TMEM131: variants seen among roughly 807,000 people sequenced by gnomAD.
TMEM131 encodes 2610524E03Rik.
A neutral mutation model predicts 211.6 loss-of-function variants in TMEM131; 66 were observed. The observed-to-expected ratio is 0.31, with a 90% confidence interval of 0.26 to 0.38. The LOEUF (loss-of-function observed/expected upper bound fraction) is 0.38. Ranked by LOEUF, TMEM131 falls within the 10% of genes least tolerant of loss-of-function variation. The pLI, the probability that TMEM131 is intolerant of heterozygous loss-of-function variation, is 1.00. For missense variants in TMEM131, 2,036 were observed against 2,299.3 expected (o/e 0.89, Z 2.34); for synonymous variants, 844 against 841.3 (o/e 1.00, Z -0.06).
intron 4 of TMEM131, among the ~76,000 whole-genome samples, chr2:97,886,203 T>G (rs1050392746): frequency 6.6e-6 from 1 of 152,210 alleles, no homozygotes; most frequent in East Asian, 1.9e-4. Flanking sequence ...TAAGTTTTCC[T>G]GTATCTCACT....
intron 7 of TMEM131, among the ~76,000 whole-genome samples, chr2:97,838,504 G>A (rs1365761129): frequency 7.1e-6 from 1 of 140,566 alleles, no homozygotes; most frequent in African/African-American, 2.7e-5. Context: ...GAGTGCAATG[G>A]TGTGATCTCG....
intron 12 of TMEM131, among the ~76,000 whole-genome samples, chr2:97,816,312 G>A (rs1681826150): frequency 6.6e-6 from 1 of 152,086 alleles, no homozygotes; most frequent in African/African-American, 2.4e-5. Context: ...TTGCACTCCA[G>A]CCTGGGCAAC....
intron 3 of TMEM131, chr2:97,907,074 A>G (rs1676101867): frequency 6.6e-6 from 1 of 152,226 alleles, no homozygotes; most frequent in Admixed American, 6.5e-5. Context: ...GGAATAAAGA[A>G]TCAAGGAAGA....
chr2:97,837,305 A>C (rs1682984691), intron 7 of TMEM131, 148 bp from the exon 8 acceptor site: 2 of 558,828 alleles, frequency 3.6e-6, no homozygotes, highest in African/African-American at 4.0e-5. Flanking sequence ...AATATCACTA[A>C]ATTCAGTGCT....
Position 97,974,075 on chromosome 2 carries a change from T to C in TMEM131, c.187+21401A>G, listed in dbSNP as rs148068624. The stretch of plus-strand genomic sequence containing the variant: ...ACCAACCTAGAACTGGCACAGAAGT[T>C]AGCAGACAAGACAATAAAACAGGTA... On this transcript the variant is annotated intron_variant, in intron 1 of 40. Coordinates refer to ENST00000186436, the MANE Select transcript of TMEM131 (RefSeq NM_015348.2). Among the ~76,000 whole-genome samples the C allele has an allele frequency of 1.6e-3, 246 of 152,286 alleles. 3 individuals carry two copies. In the South Asian group the frequency reaches 0.019, roughly 12 times the overall value.
At chr2:97,871,051 T>C (rs1042786338) in intron 4 of TMEM131, among the ~76,000 whole-genome samples, 6 of 152,208 alleles carry the variant, frequency 3.9e-5, no homozygotes, top group African/African-American at 7.2e-5. Context: ...TTTTTAGCAA[T>C]AGTCTATTCA....
Position 97,841,874 on chromosome 2 carries a change from C to T in TMEM131, c.664G>A (p.Val222Met), listed in dbSNP as rs1683213437. ...LRPFLGARVPVNSSFSPIINI... is the reference protein window; with the variant it reads ...LRPFLGARVPMNSSFSPIINI... ...ATTATAGGTGAGAAACTGCTATTCACAGGGACTCTGGCCCCAAGGAACGGC... is the reference window on the plus strand; with the variant it reads ...ATTATAGGTGAGAAACTGCTATTCATAGGGACTCTGGCCCCAAGGAACGGC... Residue 222 changes from valine (V) to methionine (M), a missense_variant, in exon 7 of 41, where the codon GTG becomes ATG. Transcript: ENST00000186436. 16 of 1,598,360 alleles carry T rather than the reference C, an allele frequency of 1.0e-5. No homozygotes were observed. Among genetic ancestry groups the T allele is most frequent in the Non-Finnish European group, 7.7e-6 (9 of 1,171,618 alleles).
chr2:97,910,851 A>C (rs921419678), intron 2 of TMEM131, among the ~76,000 whole-genome samples: 1 of 152,236 alleles, frequency 6.6e-6, no homozygotes, highest in South Asian at 2.1e-4. Context: ...ATAGCCTTGT[A>C]GTATAGTTTG....
chr2:97,775,721 C>G (rs1679689478), intron 32 of TMEM131, 122 bp downstream of exon 32: 2 of 1,115,072 alleles, frequency 1.8e-6, no homozygotes, highest in African/African-American at 3.2e-5. Context: ...TCAGTAGGTG[C>G]TCATCCTAGA....
intron 26 of TMEM131, 94 bp from the exon 27 acceptor site, chr2:97,797,080 T>A (rs564552436): frequency 7.7e-7 from 1 of 1,290,796 alleles, no homozygotes; most frequent in Non-Finnish European, 1.1e-6. Flanking sequence ...GAGCACCACA[T>A]AGAAATTAAA....
At chr2:97,899,635 G>A (rs979453247) in intron 3 of TMEM131, among the ~76,000 whole-genome samples, 11 of 152,100 alleles carry the variant, frequency 7.2e-5, no homozygotes, top group African/African-American at 2.7e-4. Flanking sequence ...ATGAGGGAAT[G>A]CAAGGTGGCA....
In TMEM131 at chr2:97,805,216, G is replaced by C. The variant is rs1449265401; in HGVS notation, c.2285-11C>G. 6.2e-7 allele frequency: 1 copy of C among 1,607,504 alleles called. No individual in the cohort carries two copies. Among genetic ancestry groups the C allele is most frequent in the Admixed American group, 1.7e-5 (1 of 58,718 alleles). ...GCACTTTGGGTTCAGCTAAAACAAGGAAACATACTTAACCTGCATCTATAC... is the reference window on the plus strand; with the variant it reads ...GCACTTTGGGTTCAGCTAAAACAAGCAAACATACTTAACCTGCATCTATAC... On this transcript the variant is annotated splice_polypyrimidine_tract_variant and intron_variant, in intron 21 of 40. Transcript: ENST00000186436.
chr2:97,975,003 C>G (rs557271596), intron 1 of TMEM131, among the ~76,000 whole-genome samples: 106 of 152,256 alleles, frequency 7.0e-4, no homozygotes, highest in Non-Finnish European at 1.2e-3. Flanking sequence ...CCAACAACAG[C>G]AGAAGACATA....
chr2:97,799,887 G>C (rs1488811340), intron 25 of TMEM131, among the ~76,000 whole-genome samples: 1 of 152,088 alleles, frequency 6.6e-6, no homozygotes, highest in Non-Finnish European at 1.5e-5. Flanking sequence ...ACTGAATGTA[G>C]AGGCAGATAT....
chr2:97,861,712 A>C (rs1410222322), intron 4 of TMEM131, among the ~76,000 whole-genome samples: 1 of 152,012 alleles, frequency 6.6e-6, no homozygotes, highest in East Asian at 1.9e-4. Flanking sequence ...ACAACAGAAC[A>C]CTAGGTAGAT....
intron 3 of TMEM131, among the ~76,000 whole-genome samples, chr2:97,895,101 AGGCCT>A (rs1675548630): frequency 6.6e-6 from 1 of 152,194 alleles, no homozygotes; most frequent in Admixed American, 6.5e-5. Flanking sequence ...ATTTTGTCGA[AGGCCT>A]TTTCTGCATC....
chr2:97,886,856 TCA>T (rs2104249371), intron 4 of TMEM131, among the ~76,000 whole-genome samples: 1 of 152,368 alleles, frequency 6.6e-6, no homozygotes, highest in East Asian at 1.9e-4. Context: ...TGGATTTATG[TCA>T]CAGAGTTAAA....
At chr2:97,891,132 T>C (rs575038723) in intron 3 of TMEM131, among the ~76,000 whole-genome samples, 73 of 152,364 alleles carry the variant, frequency 4.8e-4, no homozygotes, top group African/African-American at 1.6e-3. Context: ...TGGCACTGTT[T>C]AGTGCTTTAT....
At chr2:97,760,495 G>A (rs966307528) in intron 38 of TMEM131, 98 bp downstream of exon 38, 8 of 1,121,656 alleles carry the variant, frequency 7.1e-6, no homozygotes, top group East Asian at 2.6e-5. Flanking sequence ...TTGTAAATTA[G>A]GGGAAAAATG....
Sources: allele counts gnomAD v4.1 joint callset (sites outside exome capture counted in the v4.1 genomes callset), GRCh38; gene constraint gnomAD v4.1.1; transcripts MANE v1.5; gene names NCBI Gene and HGNC (gene_info 2026-07-23, HGNC 2026-07-21).